LYSMD1: variants seen among roughly 807,000 people sequenced by gnomAD.
LYSMD1 encodes LysM domain containing 1, also known as lysM and putative peptidoglycan-binding domain-containing protein 1.
A neutral mutation model predicts 19.3 loss-of-function variants in LYSMD1; 9 were observed. The ratio of observed to expected loss-of-function variants is 0.47; its 90% CI spans 0.28 to 0.81. The LOEUF is 0.81. Among genes scored for constraint, LYSMD1 ranks in the 40% least tolerant of loss-of-function variants. The probability of loss-of-function intolerance (pLI) is 0.11; values close to 1 mark genes in which losing one functional copy is unlikely to be tolerated. For missense variants in LYSMD1, 262 were observed against 279.8 expected (o/e 0.94, Z 0.45); for synonymous variants, 111 against 111.7 (o/e 0.99, Z 0.04).
the LYSMD1 span, among the ~76,000 whole-genome samples, chr1:151,152,122 G>T: frequency 1.3e-5 from 2 of 152,246 alleles, no homozygotes; most frequent in South Asian, 2.1e-4. Flanking sequence ...AACAAGCCAG[G>T]TATGGTGGCT....
the LYSMD1 span, among the ~76,000 whole-genome samples, chr1:151,149,913 G>A: frequency 6.6e-6 from 1 of 152,150 alleles, no homozygotes; most frequent in Non-Finnish European, 1.5e-5. Context: ...AGAAAACAGA[G>A]ATAATAAAGT....
At chr1:151,151,294 A>G in the LYSMD1 span, among the ~76,000 whole-genome samples, 2 of 150,284 alleles carry the variant, frequency 1.3e-5, no homozygotes, top group Admixed American at 6.6e-5. Flanking sequence ...GGTTCACACC[A>G]TTCTCCTGCC....
chr1:151,158,050 C>T (rs181474390), downstream of LYSMD1, among the ~76,000 whole-genome samples: 29 of 152,112 alleles, frequency 1.9e-4, no homozygotes, highest in Admixed American at 1.5e-3. Context: ...TCAGGCTGGG[C>T]GTGGTGGCTC....
chr1:151,150,829 TC>T, the LYSMD1 span, among the ~76,000 whole-genome samples: 1 of 149,058 alleles, frequency 6.7e-6, no homozygotes, highest in Non-Finnish European at 1.5e-5. Flanking sequence ...AACCTCCACC[TC>T]CTGGGTTCAA....
chr1:151,165,057 A>T, intron 1 of LYSMD1, 22 bp downstream of exon 1: 1 of 1,606,388 alleles, frequency 6.2e-7, no homozygotes, highest in Non-Finnish European at 8.5e-7. Context: ...TGTTGTCTTC[A>T]CCCCAATCCT....
chr1:151,164,719 A>G (rs1683597777), intron 1 of LYSMD1, among the ~76,000 whole-genome samples: 1 of 152,150 alleles, frequency 6.6e-6, no homozygotes, highest in African/African-American at 2.4e-5. Context: ...TTGAATCCCA[A>G]ATCTGACGCT....
At chr1:151,164,052 C>T (rs772352908) in intron 1 of LYSMD1, among the ~76,000 whole-genome samples, 2 of 152,080 alleles carry the variant, frequency 1.3e-5, no homozygotes, top group Non-Finnish European at 2.9e-5. Flanking sequence ...CACCACCACG[C>T]CCGGCTAATT....
chr1:151,162,874 C>A (rs751414357), intron 1 of LYSMD1, among the ~76,000 whole-genome samples: 6 of 152,138 alleles, frequency 3.9e-5, no homozygotes, highest in Admixed American at 6.6e-5. Flanking sequence ...GTTTAACTGG[C>A]CTTCCTCGCT....
the LYSMD1 span, among the ~76,000 whole-genome samples, chr1:151,150,314 T>C: frequency 6.6e-6 from 1 of 152,296 alleles, no homozygotes; most frequent in African/African-American, 2.4e-5. Flanking sequence ...CTCAAGTAAT[T>C]CCCATGATTA....
downstream of LYSMD1, among the ~76,000 whole-genome samples, chr1:151,156,100 CAAAAAAAAAAAAA>C (rs751524835): frequency 2.6e-5 from 1 of 38,124 alleles, no homozygotes; most frequent in Non-Finnish European, 5.2e-5. Context: ...AACTCTGTCT[CAAAAAAAAAAAAA>C]AAAAAAAAAA....
intron 1 of LYSMD1, 69 bp from the exon 2 acceptor site, chr1:151,162,169 A>G: frequency 6.9e-7 from 1 of 1,450,562 alleles, no homozygotes; most frequent in East Asian, 2.3e-5. Context: ...AGCTTTTTAA[A>G]GTGACTGTAC....
chr1:151,165,017 C>A, intron 1 of LYSMD1, 62 bp downstream of exon 1: 2 of 1,465,194 alleles, frequency 1.4e-6, no homozygotes, highest in Non-Finnish European at 1.9e-6. Flanking sequence ...AGGGCCACTA[C>A]ATTCTTCTCA....
downstream of LYSMD1, chr1:151,159,068 G>C: frequency 6.2e-7 from 1 of 1,614,088 alleles, no homozygotes; most frequent in Non-Finnish European, 8.5e-7. Flanking sequence ...ACCGAGTGCC[G>C]GGATGTGCTG....
At chr1:151,158,775 G>A (rs761007536), downstream of LYSMD1, 9 of 1,613,964 alleles carry the variant, frequency 5.6e-6, no homozygotes, top group African/African-American at 1.3e-5. Context: ...GTCGCTCTGT[G>A]GCTCATCTCT....
At chr1:151,158,563 A>G (rs1683310408), downstream of LYSMD1, 3 of 886,762 alleles carry the variant, frequency 3.4e-6, no homozygotes, top group Admixed American at 8.7e-5. Context: ...GGGGGCGGAG[A>G]GGATGACAAA....
chr1:151,151,106 C>T, the LYSMD1 span, among the ~76,000 whole-genome samples: 1 of 152,082 alleles, frequency 6.6e-6, no homozygotes. Context: ...ATGTCCTTAG[C>T]CACCTCTTTC....
downstream of LYSMD1, chr1:151,158,656 T>A: frequency 6.7e-7 from 1 of 1,499,034 alleles, no homozygotes. Flanking sequence ...GCCTGTGGCC[T>A]TTCTTCTAGT....
rs754782146 is a variant in LYSMD1 at position 151,161,841 on chromosome 1, G to A, written c.440C>T (p.Thr147Met). 10 of 1,613,810 alleles carry A rather than the reference G, an allele frequency of 6.2e-6. No homozygotes were observed. Among genetic ancestry groups the A allele is most frequent in the East Asian group, 4.5e-5 (2 of 44,890 alleles). The change falls in exon 2 of 3, where the codon ACG (threonine) becomes ATG (methionine). Residue 147 changes from threonine to methionine, a missense_variant. Coordinates refer to ENST00000368908, the MANE Select transcript of LYSMD1 (RefSeq NM_212551.5). ...VLPTPGQETP[T>M]PIHDLSASDF... is the part of the protein sequence containing the mutation. ...AGAGGCAGAGAGGTCATGGATGGGC[G>A]TGGGGGTTTCCTGGCCAGGTGTGGG...
intron 1 of LYSMD1, among the ~76,000 whole-genome samples, chr1:151,163,279 C>G (rs1281245757): frequency 2.6e-5 from 4 of 151,334 alleles, no homozygotes; most frequent in Non-Finnish European, 5.9e-5. Context: ...ATACATAACC[C>G]TACTATAATA....
Sources: gnomAD v4.1 joint callset for allele counts (sites outside exome capture counted in the v4.1 genomes callset) on GRCh38, gnomAD v4.1.1 for gene constraint, MANE v1.5 for transcripts, NCBI Gene and HGNC (gene_info 2026-07-23, HGNC 2026-07-21) for gene names.